The following CADM2 variants were observed in gnomAD, a reference collection of about 807,000 sequenced individuals.
CADM2 encodes immunoglobulin superfamily member 4D.
Under a neutral mutation model 49.8 loss-of-function variants are expected in CADM2, and 12 were observed. The observed-to-expected ratio is 0.24, with a 90% CI of 0.15 to 0.39. CADM2 has a LOEUF of 0.39. CADM2 is among the 10% of genes least tolerant of loss of function. The pLI is 1.00. For synonymous variants in CADM2, 214 were observed against 175.4 expected, an observed-to-expected ratio of 1.22 and a Z score of -1.74; for missense variants, 378 against 492.3, an observed-to-expected ratio of 0.77 and a Z score of 2.20.
chr3:85,759,835 T>A (rs889533864), intron 2 of CADM2, among the ~76,000 whole-genome samples: 2 of 152,254 alleles, frequency 1.3e-5, no homozygotes, highest in African/African-American at 2.4e-5. Flanking sequence ...TCTACTTTGA[T>A]GTTTGTTTGC....
chr3:85,480,277 GTTGT>G (rs1477116874), intron 1 of CADM2, among the ~76,000 whole-genome samples: 4 of 151,754 alleles, frequency 2.6e-5, no homozygotes, highest in Non-Finnish European at 4.4e-5. Context: ...AGCTCCATAA[GTTGT>G]TTGTTTTATC....
Position 85,802,203 on chromosome 3 carries a change from A to C in CADM2, c.238+7A>C, listed in dbSNP as rs755388434. ...TACTTTGACGACAAGAAAGGTGAAT[A>C]CATTTTCTTTCAAATGTTTTAATCG... On this transcript the variant is annotated splice_region_variant and intron_variant, in intron 3 of 9. Transcript: ENST00000383699. The C allele has an allele frequency of 1.2e-6, 2 of 1,601,642 alleles. No individual in the cohort carries two copies. The highest frequency in any genetic ancestry group is 2.3e-5 in the South Asian group (2 of 88,598).
At chr3:85,132,272 T>G (rs2039256925) in intron 1 of CADM2, among the ~76,000 whole-genome samples, 5 of 152,222 alleles carry the variant, frequency 3.3e-5, no homozygotes, top group Admixed American at 3.3e-4. Flanking sequence ...GATCACTGAC[T>G]GTAAGAACAA....
chr3:86,049,180 T>G (rs1260771901), intron 8 of CADM2, among the ~76,000 whole-genome samples: 1 of 152,152 alleles, frequency 6.6e-6, no homozygotes, highest in Non-Finnish European at 1.5e-5. Flanking sequence ...CTAAGTGAGC[T>G]GTTGCGTTAG....
In CADM2 at chr3:85,515,633, T is replaced by TATATATATA. The variant is rs1450614692; in HGVS notation, c.62-210889_62-210888insATATATATA. Reference sequence around the variant, plus strand: ...CTAATATATATATATATATATATATTTTTTTTTTTTGTATCTTTAGTAGAG... The same window carrying TATATATATA: ...CTAATATATATATATATATATATATTATATATATATTTTTTTTTTGTATCTTTAGTAGAG... On this transcript the variant is annotated intron_variant, in intron 1 of 9. Coordinates refer to ENST00000383699, the MANE Select transcript of CADM2 (RefSeq NM_001167675.2). Among the ~76,000 whole-genome samples the TATATATATA allele has an allele frequency of 3.7e-3, 452 of 121,680 alleles. 1 individual carries two copies. The highest frequency in any genetic ancestry group is 0.016 in the African/African-American group (426 of 26,990). The allele number at this position is 121,680 out of a possible 152,430, so 79.8% of individuals were successfully genotyped here. A position where few individuals can be genotyped will look rare whatever the true frequency, so the allele number is the denominator to read the frequency against.
intron 8 of CADM2, among the ~76,000 whole-genome samples, chr3:86,040,180 C>A (rs536643574): frequency 3.3e-5 from 5 of 152,126 alleles, no homozygotes; most frequent in Admixed American, 6.5e-5. Context: ...GAGCACCTCT[C>A]CTCCTCCAAA....
chr3:85,442,542 T>G (rs1317825035), intron 1 of CADM2, among the ~76,000 whole-genome samples: 1 of 143,704 alleles, frequency 7.0e-6, no homozygotes. Flanking sequence ...TATTAAAAAT[T>G]TAAAATAAAA....
intron 1 of CADM2, among the ~76,000 whole-genome samples, chr3:85,305,083 T>C (rs1325047259): frequency 6.6e-6 from 1 of 151,662 alleles, no homozygotes. Flanking sequence ...TCTCTATTTA[T>C]ATATGTCTTA....
At chr3:85,461,452 A>G (rs535669020) in intron 1 of CADM2, among the ~76,000 whole-genome samples, 1 of 152,330 alleles carries the variant, frequency 6.6e-6, no homozygotes, top group Admixed American at 6.5e-5. Flanking sequence ...TAGTAAAATC[A>G]TTATTGATAT....
At chr3:85,501,742 T>C (rs1257416783) in intron 1 of CADM2, among the ~76,000 whole-genome samples, 1 of 152,160 alleles carries the variant, frequency 6.6e-6, no homozygotes, top group East Asian at 1.9e-4. Context: ...TATGCACATA[T>C]ATGTATATCT....
chr3:85,895,079 A>G (rs1476789714), intron 5 of CADM2, among the ~76,000 whole-genome samples: 2 of 152,172 alleles, frequency 1.3e-5, no homozygotes, highest in Admixed American at 1.3e-4. Context: ...AGACCTGAGA[A>G]TGGTAGATCC....
At chr3:85,992,027 A>G (rs1462056050) in intron 8 of CADM2, among the ~76,000 whole-genome samples, 1 of 151,860 alleles carries the variant, frequency 6.6e-6, no homozygotes, top group Non-Finnish European at 1.5e-5. Context: ...GAAAAACCAC[A>G]TTAGTTAAAT....
chr3:85,051,526 G>C (rs918803152), intron 1 of CADM2, among the ~76,000 whole-genome samples: 1 of 152,106 alleles, frequency 6.6e-6, no homozygotes, highest in African/African-American at 2.4e-5. Context: ...CCCATTGTAG[G>C]GACGGGGGGA....
rs896402315 is a variant in CADM2, at chr3:85,886,314, CAA to C, written c.518_519del (p.Lys173ArgfsTer3). The C allele has an allele frequency of 6.2e-7, 1 of 1,609,640 alleles. No homozygotes were observed. The highest frequency in any genetic ancestry group is 8.5e-7 in the Non-Finnish European group (1 of 1,176,750). On this transcript the variant is annotated frameshift_variant, in exon 5 of 10. Transcript: ENST00000383699. LOFTEE classifies it high-confidence loss of function. ...CTGATATAAGATGGTTCAAAAATGA[CAA>C]AGAGATTAAAGGTAAAGAATAGAAA... ...AADIRWFKNDKEIKDVKYLKE... is the reference protein window; with the variant it reads ...AADIRWFKNDXEIKDVKYLKE...
intron 1 of CADM2, among the ~76,000 whole-genome samples, chr3:84,969,877 A>G (rs1444619060): frequency 6.6e-6 from 1 of 151,860 alleles, no homozygotes; most frequent in Admixed American, 6.6e-5. Context: ...CTTTCTAAAG[A>G]TTTTATTTCT....
At chr3:85,317,575 G>A (rs1339900380) in intron 1 of CADM2, among the ~76,000 whole-genome samples, 1 of 152,158 alleles carries the variant, frequency 6.6e-6, no homozygotes, top group Non-Finnish European at 1.5e-5. Context: ...TTCCAAGGTA[G>A]TACTTTGAAT....
At chr3:85,369,258 A>AT (rs1225210452) in intron 1 of CADM2, among the ~76,000 whole-genome samples, 5 of 152,214 alleles carry the variant, frequency 3.3e-5, no homozygotes, top group African/African-American at 9.6e-5. Flanking sequence ...TTAAAACAGT[A>AT]TTTTTGCACA....
intron 1 of CADM2, among the ~76,000 whole-genome samples, chr3:85,515,644 G>A (rs1356842619): frequency 1.1e-5 from 1 of 88,514 alleles, no homozygotes; most frequent in Non-Finnish European, 2.2e-5. Context: ...TTTTTTTTTT[G>A]TATCTTTAGT....
intron 1 of CADM2, among the ~76,000 whole-genome samples, chr3:85,426,143 CT>C (rs1264559714): frequency 6.3e-5 from 9 of 142,780 alleles, no homozygotes; most frequent in South Asian, 2.2e-4. Context: ...TTTTTTTTTT[CT>C]TTTTTTTTAT....
Sources: gnomAD v4.1 joint callset for allele counts (sites outside exome capture counted in the v4.1 genomes callset) on GRCh38, gnomAD v4.1.1 for gene constraint, MANE v1.5 for transcripts, NCBI Gene and HGNC (gene_info 2026-07-23, HGNC 2026-07-21) for gene names.